The following SHANK2 variants were observed in gnomAD, a reference collection of about 807,000 sequenced individuals.
The protein encoded by SHANK2 is SH3 and multiple ankyrin repeat domains protein 2.
A neutral mutation model predicts 133.7 loss-of-function variants in SHANK2; 43 were observed. The ratio of observed to expected loss-of-function variants is 0.32; its 90% CI spans 0.25 to 0.41. The LOEUF (loss-of-function observed/expected upper bound fraction) is 0.41, where lower values mean the gene tolerates loss of function less well. Among genes scored for constraint, SHANK2 ranks in the 10% least tolerant of loss-of-function variants. The pLI, the probability that SHANK2 is intolerant of heterozygous loss-of-function variation, is 1.00. For missense variants in SHANK2, 1,994 were observed against 2,235.8 expected (o/e 0.89, Z 2.18); for synonymous variants, 1,017 against 952.8 (o/e 1.07, Z -1.24).
intron 10 of SHANK2, among the ~76,000 whole-genome samples, chr11:70,899,652 T>C (rs1248016860): frequency 1.3e-5 from 2 of 152,168 alleles, no homozygotes; most frequent in African/African-American, 4.8e-5. Context: ...AACTCAGCTT[T>C]GGGAACTCGA....
chr11:70,750,464 CCTCT>C (rs1555037269), intron 14 of SHANK2, among the ~76,000 whole-genome samples: 1 of 152,066 alleles, frequency 6.6e-6, no homozygotes, highest in African/African-American at 2.4e-5. Context: ...TTGCTTTTGG[CCTCT>C]CTCTCTCTTT....
intron 17 of SHANK2, among the ~76,000 whole-genome samples, chr11:70,590,629 T>TCG (rs1166513664): frequency 9.9e-5 from 15 of 152,258 alleles, no homozygotes; most frequent in African/African-American, 3.4e-4. Context: ...TTATGATGAC[T>TCG]CGCCGAAGGC....
intron 3 of SHANK2, among the ~76,000 whole-genome samples, chr11:71,133,643 A>AG (rs1220240124): frequency 6.6e-6 from 1 of 151,924 alleles, no homozygotes; most frequent in East Asian, 1.9e-4. Flanking sequence ...GGGGTGGTCT[A>AG]GGGGGCCTCC....
At chr11:70,920,277 A>G (rs1950331740) in intron 10 of SHANK2, among the ~76,000 whole-genome samples, 2 of 152,318 alleles carry the variant, frequency 1.3e-5, no homozygotes, top group South Asian at 4.1e-4. Flanking sequence ...GCATGTATGT[A>G]GAGATGGGAT....
intron 13 of SHANK2, among the ~76,000 whole-genome samples, chr11:70,802,485 G>A (rs1555050756): frequency 6.6e-6 from 1 of 152,226 alleles, no homozygotes; most frequent in African/African-American, 2.4e-5. Flanking sequence ...GGTCACTGCG[G>A]AGGAGGGAGG....
intron 12 of SHANK2, among the ~76,000 whole-genome samples, chr11:70,816,842 G>C (rs895202): frequency 0.16 from 25,096 of 152,168 alleles, 2,660 homozygotes; most frequent in African/African-American, 0.3. Context: ...CTCTAGCCAG[G>C]CCCCCCTCCC....
intron 17 of SHANK2, among the ~76,000 whole-genome samples, chr11:70,580,244 G>A (rs1031833725): frequency 2.6e-5 from 4 of 152,078 alleles, no homozygotes; most frequent in Non-Finnish European, 4.4e-5. Flanking sequence ...AAACAGGGGC[G>A]TGGGGTGGCT....
Position 71,163,093 on chromosome 11 carries a change from A to AAACATATATATATATATATATATATAT in SHANK2, c.-12-15756_-12-15755insATATATATATATATATATATATATGTT. On this transcript the variant is annotated intron_variant, in intron 2 of 25. Transcript: ENST00000601538. ...GTCTAAAAAAAAAAAAAAAAAAAAAAATACATATATATATATATACAGAAT... is the reference window on the plus strand; with the variant it reads ...GTCTAAAAAAAAAAAAAAAAAAAAAAAACATATATATATATATATATATATATATACATATATATATATATACAGAAT... Among the ~76,000 whole-genome samples the AAACATATATATATATATATATATATAT allele has an allele frequency of 2.5e-3, 211 of 84,612 alleles. 20 individuals are homozygous for AAACATATATATATATATATATATATAT. The highest frequency in any genetic ancestry group is 5.5e-3 in the South Asian group (9 of 1,638). 55.5% of individuals were successfully genotyped at this position (84,612 alleles called of 152,430 possible).
Position 70,765,201 on chromosome 11 carries a change from G to A in SHANK2, c.1777+33242C>T, listed in dbSNP as rs192901305. Among the ~76,000 whole-genome samples the A allele has an allele frequency of 2.6e-5, 4 of 152,294 alleles. 1 individual carries two copies. The highest frequency in any genetic ancestry group is 2.6e-4 in the Admixed American group (4 of 15,290). On this transcript the variant is annotated intron_variant, in intron 14 of 25. Coordinates refer to ENST00000601538, the MANE Select transcript of SHANK2 (RefSeq NM_012309.5). ...CTGTGTGCCAGTCTTTGTGACCCAA[G>A]TGGCATGGCTGGCCGCCTCCAAAGA...
At chr11:70,810,730 C>A (rs922821488) in intron 12 of SHANK2, among the ~76,000 whole-genome samples, 1 of 152,122 alleles carries the variant, frequency 6.6e-6, no homozygotes, top group African/African-American at 2.4e-5. Flanking sequence ...GGGGGTAGGG[C>A]GAATCCCCAC....
At chr11:70,698,383 C>T in intron 15 of SHANK2, 1 of 460,408 alleles carries the variant, frequency 2.2e-6, no homozygotes. Flanking sequence ...CCTCAAGGCT[C>T]CTGTGGCCCA....
intron 1 of SHANK2, among the ~76,000 whole-genome samples, chr11:71,251,343 G>A (rs1555125821): frequency 6.6e-6 from 1 of 152,174 alleles, no homozygotes. Flanking sequence ...CCAGAACCCT[G>A]GCGGCGAGGT....
At chr11:71,094,811 ACAGCTCC>A in intron 6 of SHANK2, 123 bp from the exon 7 acceptor site, 1 of 1,082,560 alleles carries the variant, frequency 9.2e-7, no homozygotes, top group Non-Finnish European at 1.3e-6. Flanking sequence ...CAGGGTGTTT[ACAGCTCC>A]CACCACCTGG....
At chr11:70,899,352 G>A (rs553983173) in intron 10 of SHANK2, among the ~76,000 whole-genome samples, 2 of 152,302 alleles carry the variant, frequency 1.3e-5, no homozygotes, top group South Asian at 2.1e-4. Flanking sequence ...CCTGTGAAGA[G>A]GTGCCTTATG....
rs534167880 is a variant in SHANK2 at position 70,839,427 on chromosome 11, ACC to A, written c.1175-18747_1175-18746del. ...CTCCCCAGGTCTGGAGGCAACACAC[ACC>A]CCCCTGGTAGAGAGGGCGGGTACGT... On this transcript the variant is annotated intron_variant, in intron 11 of 25. Transcript: ENST00000601538. Among the ~76,000 whole-genome samples, 4 of 152,022 alleles carry A rather than the reference ACC, an allele frequency of 2.6e-5. No homozygotes were observed. In the South Asian group the frequency reaches 8.3e-4, roughly 32 times the overall value.
At chr11:70,874,187 GTCCA>G (rs1392830615) in intron 11 of SHANK2, among the ~76,000 whole-genome samples, 1 of 151,564 alleles carries the variant, frequency 6.6e-6, no homozygotes, top group East Asian at 1.9e-4. Flanking sequence ...TACCTAATCT[GTCCA>G]TCCATCCATC....
chr11:70,642,837 T>C (rs1555006850), intron 17 of SHANK2, among the ~76,000 whole-genome samples: 1 of 152,186 alleles, frequency 6.6e-6, no homozygotes, highest in Non-Finnish European at 1.5e-5. Flanking sequence ...TATTTCTAAT[T>C]AGATAAAGAA....
At chr11:70,580,659 G>C (rs1037981381) in intron 17 of SHANK2, among the ~76,000 whole-genome samples, 1 of 152,230 alleles carries the variant, frequency 6.6e-6, no homozygotes, top group Admixed American at 6.5e-5. Flanking sequence ...CTGGCTCAGC[G>C]GTTACAGGAG....
rs548893421 is a variant in SHANK2, at chr11:71,175,938, G to A, written c.-12-28600C>T. Among the ~76,000 whole-genome samples the A allele has an allele frequency of 3.9e-5, 6 of 152,296 alleles. No homozygotes were observed. Among genetic ancestry groups the A allele is most frequent in the Admixed American group, 3.9e-4 (6 of 15,304 alleles). Reference sequence around the variant, plus strand: ...GGACAAAACCAGGAGGAGAGAGAATGGAACGGAGCCTAGTAGAGATGTGTT... The same window carrying A: ...GGACAAAACCAGGAGGAGAGAGAATAGAACGGAGCCTAGTAGAGATGTGTT... On this transcript the variant is annotated intron_variant, in intron 2 of 25. Transcript: ENST00000601538. This position sits in a 1 kb window ranked among gnomAD's most constrained non-coding sequence, Gnocchi z 4.2.
Sources: gnomAD v4.1 joint callset for allele counts (sites outside exome capture counted in the v4.1 genomes callset) on GRCh38, gnomAD v4.1.1 for gene constraint, Gnocchi (gnomAD v3.1) non-coding constraint, MANE v1.5 for transcripts, NCBI Gene and HGNC (gene_info 2026-07-23, HGNC 2026-07-21) for gene names.